TUT4: variants seen among roughly 807,000 people sequenced by gnomAD.
TUT4 encodes the protein terminal uridylyltransferase 4.
TUT4 carries 36 observed loss-of-function variants against 192.2 expected under a neutral mutation model. The observed-to-expected ratio is 0.19, with a 90% CI of 0.14 to 0.25. The LOEUF is 0.25. Ranked by LOEUF, TUT4 falls within the 10% of genes least tolerant of loss-of-function variation. The pLI, the probability that TUT4 is intolerant of heterozygous loss-of-function variation, is 1.00. For missense variants in TUT4, 1,493 were observed against 1,957.2 expected, an observed-to-expected ratio of 0.76 and a Z score of 4.47; for synonymous variants, 618 against 666.0, an observed-to-expected ratio of 0.93 and a Z score of 1.11.
chr1:52,462,395 C>T (rs1000237882), intron 16 of TUT4: 1 of 152,068 alleles, frequency 6.6e-6, no homozygotes, highest in Non-Finnish European at 1.5e-5. Context: ...ACCGTGTTCA[C>T]CAGGATGGTC....
At chr1:52,424,613 G>T (rs1441590368) in intron 29 of TUT4, 2 of 152,256 alleles carry the variant, frequency 1.3e-5, no homozygotes, top group African/African-American at 4.8e-5. Flanking sequence ...TCTGAGGCAA[G>T]TAGGTTAGAT....
chr1:52,466,680 A>ATTTTTTTT (rs1436025380), intron 15 of TUT4, among the ~76,000 whole-genome samples: 12 of 131,166 alleles, frequency 9.1e-5, no homozygotes, highest in African/African-American at 3.8e-4. Context: ...ATATATATAT[A>ATTTTTTTT]TATTTTTGAG....
chr1:52,468,468 C>T, intron 14 of TUT4: 1 of 472,162 alleles, frequency 2.1e-6, no homozygotes, highest in Non-Finnish European at 3.7e-6. Context: ...TTTTAGCAAC[C>T]CAGGGGAAGA....
intron 1 of TUT4, among the ~76,000 whole-genome samples, chr1:52,546,597 G>A (rs1387172343): frequency 3.3e-5 from 5 of 152,182 alleles, no homozygotes; most frequent in Non-Finnish European, 7.3e-5. Flanking sequence ...AAGGGTTATA[G>A]GGATGGATGG....
intron 1 of TUT4, among the ~76,000 whole-genome samples, chr1:52,546,018 A>G (rs1259236864): frequency 6.6e-6 from 1 of 151,528 alleles, no homozygotes. Context: ...AAGCGCCCAC[A>G]GTCCCACCTA....
At chr1:52,531,240 T>C (rs1339289724) in intron 1 of TUT4, among the ~76,000 whole-genome samples, 1 of 151,914 alleles carries the variant, frequency 6.6e-6, no homozygotes, top group Non-Finnish European at 1.5e-5. Flanking sequence ...TTTTTTTTTT[T>C]TCAGAGCCAG....
chr1:52,544,338 T>C (rs1164318041), intron 1 of TUT4, among the ~76,000 whole-genome samples: 5 of 149,666 alleles, frequency 3.3e-5, no homozygotes, highest in Non-Finnish European at 7.4e-5. Context: ...TTAGTATAAA[T>C]ACATACAGAC....
At chr1:52,524,623 T>A (rs879674864) in intron 2 of TUT4, among the ~76,000 whole-genome samples, 1 of 151,764 alleles carries the variant, frequency 6.6e-6, no homozygotes, top group Non-Finnish European at 1.5e-5. Flanking sequence ...CTGGCCAATA[T>A]GGTGAAATCC....
At chr1:52,544,708 A>G (rs2149713977) in intron 1 of TUT4, among the ~76,000 whole-genome samples, 1 of 152,326 alleles carries the variant, frequency 6.6e-6, no homozygotes, top group East Asian at 1.9e-4. Context: ...TGGACAAACT[A>G]GACTGGCTGA....
intron 20 of TUT4, among the ~76,000 whole-genome samples, chr1:52,457,279 A>G (rs1049052060): frequency 9.4e-5 from 14 of 149,346 alleles, no homozygotes; most frequent in African/African-American, 3.0e-4. Flanking sequence ...CTCTGTCACC[A>G]GGCTGGAGTG....
chr1:52,520,888 G>A (rs1460638887), intron 2 of TUT4, among the ~76,000 whole-genome samples: 1 of 152,054 alleles, frequency 6.6e-6, no homozygotes, highest in Non-Finnish European at 1.5e-5. Flanking sequence ...CGCCTCCCAG[G>A]TTCAAGCAAT....
At chr1:52,506,097 C>T (rs544476166) in intron 4 of TUT4, among the ~76,000 whole-genome samples, 2 of 152,262 alleles carry the variant, frequency 1.3e-5, no homozygotes, top group African/African-American at 4.8e-5. Context: ...GGATTACAGG[C>T]CTGAGCTACT....
At chr1:52,501,263 AAAAC>A (rs1283089700) in intron 4 of TUT4, among the ~76,000 whole-genome samples, 1 of 152,344 alleles carries the variant, frequency 6.6e-6, no homozygotes, top group South Asian at 2.1e-4. Flanking sequence ...CAACAATAAG[AAAAC>A]AAACAACCCA....
chr1:52,498,905 TATATATATATATATATATATATATATATA>T (rs1673273283), intron 4 of TUT4, among the ~76,000 whole-genome samples: 16 of 2,014 alleles, frequency 7.9e-3, no homozygotes, highest in African/African-American at 9.1e-3. Flanking sequence ...AAAAAAATTA[TATATATATATATATATATATATATATATA>T]TATATATATA....
chr1:52,486,839 T>C (rs944695961), intron 9 of TUT4, among the ~76,000 whole-genome samples: 3 of 152,180 alleles, frequency 2.0e-5, no homozygotes, highest in African/African-American at 7.2e-5. Flanking sequence ...AAACAATATT[T>C]ATGGGCCATA....
At chr1:52,502,144 C>CAAA (rs71656358) in intron 4 of TUT4, among the ~76,000 whole-genome samples, 5 of 129,226 alleles carry the variant, frequency 3.9e-5, no homozygotes, top group African/African-American at 1.4e-4. Context: ...AAAAAAATTT[C>CAAA]AAAAAAAAAA....
intron 20 of TUT4, among the ~76,000 whole-genome samples, chr1:52,451,090 C>A (rs111353761): frequency 1.3e-5 from 2 of 151,748 alleles, no homozygotes; most frequent in Non-Finnish European, 2.9e-5. Flanking sequence ...ACGGTGAAAC[C>A]CCATCTCTAC....
chr1:52,486,434 A>G (rs1190262460), intron 9 of TUT4, among the ~76,000 whole-genome samples: 14 of 152,152 alleles, frequency 9.2e-5, no homozygotes, highest in Admixed American at 9.2e-4. Flanking sequence ...AGAATAATCA[A>G]CTGCAATCTC....
rs180772411 is a variant in TUT4 at position 52,485,044 on chromosome 1, A to T, written c.1516-3121T>A. ...AGAAGTATGTGAGCACCATGAAAGC[A>T]GGACTCTGTATGTCCTGTTAGATGT... On this transcript the variant is annotated intron_variant, in intron 9 of 29. Transcript: ENST00000257177. 3.6e-4 allele frequency among the ~76,000 whole-genome samples: 55 copies of T among 152,366 alleles called. 2 individuals carry two copies. In the East Asian group the frequency reaches 7.3e-3, roughly 20 times the overall value.
Sources: allele counts gnomAD v4.1 joint callset (sites outside exome capture counted in the v4.1 genomes callset), GRCh38; gene constraint gnomAD v4.1.1; transcripts MANE v1.5; gene names NCBI Gene and HGNC (gene_info 2026-07-23, HGNC 2026-07-21).